The following PHACTR1 variants were observed in gnomAD, a reference collection of about 807,000 sequenced individuals.
The protein encoded by PHACTR1 is phosphatase and actin regulator 1.
PHACTR1 carries 16 observed loss-of-function variants against 69.2 expected under a neutral mutation model. The ratio of observed to expected loss-of-function variants is 0.23; its 90% CI spans 0.16 to 0.35. The LOEUF is 0.35. Ranked by LOEUF, PHACTR1 falls within the 10% of genes least tolerant of loss-of-function variation. The pLI is 1.00. For missense variants in PHACTR1, 510 were observed against 734.7 expected (o/e 0.69, Z 3.54); for synonymous variants, 312 against 284.5 (o/e 1.10, Z -0.97).
intron 4 of PHACTR1, among the ~76,000 whole-genome samples, chr6:13,019,907 A>G (rs1256073085): frequency 6.6e-6 from 1 of 152,158 alleles, no homozygotes; most frequent in African/African-American, 2.4e-5. Flanking sequence ...GCCTTCTAGA[A>G]GTGTCTAAAA....
intron 12 of PHACTR1, chr6:13,281,216 G>T: frequency 9.2e-7 from 1 of 1,088,602 alleles, no homozygotes; most frequent in Non-Finnish European, 1.2e-6. Flanking sequence ...AAATTTGAAA[G>T]TCAGGGCTTA....
In PHACTR1 at chr6:12,922,546, G is replaced by A. The variant is rs114393407; in HGVS notation, c.251-130819G>A. ...TGAATATGCATGGAACAGCTAGATCGTGTTTAGAAGTCACATCCATAAACA... is the reference window on the plus strand; with the variant it reads ...TGAATATGCATGGAACAGCTAGATCATGTTTAGAAGTCACATCCATAAACA... On this transcript the variant is annotated intron_variant, in intron 4 of 14. Transcript: ENST00000332995. Among the ~76,000 whole-genome samples the A allele has an allele frequency of 7.0e-3, 1,071 of 152,288 alleles. 14 individuals carry two copies. The highest frequency in any genetic ancestry group is 0.017 in the Middle Eastern group (5 of 294).
intron 3 of PHACTR1, chr6:12,749,368 C>T (rs1362564340): frequency 2.3e-5 from 12 of 516,580 alleles, no homozygotes; most frequent in Non-Finnish European, 3.8e-5. Context: ...TCTGGGGGAG[C>T]CCCGGGCGCC....
Position 13,097,680 on chromosome 6 carries a change from CT to C in PHACTR1, c.415+44152del, listed in dbSNP as rs572213062. Among the ~76,000 whole-genome samples, 12 of 152,306 alleles carry C rather than the reference CT, an allele frequency of 7.9e-5. No individual in the cohort carries two copies. The South Asian group carries it at 2.5e-3, about 32-fold the overall frequency. On this transcript the variant is annotated intron_variant, in intron 5 of 14. Transcript: ENST00000332995. The stretch of plus-strand genomic sequence containing the variant: ...ATTGCCCTACTGCAAACTTGGCAGC[CT>C]CAGTGGGGCCTCCATACCACTTTAG...
chr6:13,203,916 G>T (rs1430514160), intron 7 of PHACTR1, among the ~76,000 whole-genome samples: 1 of 152,184 alleles, frequency 6.6e-6, no homozygotes, highest in Non-Finnish European at 1.5e-5. Context: ...CCTGGAGGAG[G>T]CTGGGGAAGA....
At chr6:12,903,320 C>A (rs1161354503) in intron 4 of PHACTR1, among the ~76,000 whole-genome samples, 1 of 152,160 alleles carries the variant, frequency 6.6e-6, no homozygotes, top group African/African-American at 2.4e-5. Flanking sequence ...GACATGTCTT[C>A]AAGTAGGAGC....
chr6:13,134,784 T>C lies in PHACTR1; in HGVS notation c.416-25420T>C, dbSNP rs1237741773. ...CTCTCCGAGAAACACCCAAGAATGA[T>C]CAATAAATACTAAAAAAAAAAAAAA... On this transcript the variant is annotated intron_variant, in intron 5 of 14. Transcript: ENST00000332995. Among the ~76,000 whole-genome samples, 7 of 83,298 alleles carry C rather than the reference T, an allele frequency of 8.4e-5. No individual in the cohort carries two copies. In the East Asian group the frequency reaches 1.2e-3, roughly 15 times the overall value. 54.6% of individuals were successfully genotyped at this position (83,298 alleles called of 152,430 possible). A position where few individuals can be genotyped will look rare whatever the true frequency, so the allele number is the denominator to read the frequency against.
chr6:13,079,661 T>G (rs1811072162), intron 5 of PHACTR1, among the ~76,000 whole-genome samples: 1 of 152,164 alleles, frequency 6.6e-6, no homozygotes, highest in African/African-American at 2.4e-5. Context: ...GCCCAGTACC[T>G]GCTTGCAATC....
chr6:13,174,213 A>G (rs1583720747), intron 6 of PHACTR1, among the ~76,000 whole-genome samples: 1 of 152,352 alleles, frequency 6.6e-6, no homozygotes, highest in South Asian at 2.1e-4. Context: ...AAATGGGAAC[A>G]CAGAACATGC....
chr6:13,001,917 T>C (rs1358617083), intron 4 of PHACTR1, among the ~76,000 whole-genome samples: 1 of 152,212 alleles, frequency 6.6e-6, no homozygotes, highest in Non-Finnish European at 1.5e-5. Context: ...GCAATATGGA[T>C]AGTAGTATCA....
intron 5 of PHACTR1, among the ~76,000 whole-genome samples, chr6:13,125,350 C>T (rs569348583): frequency 1.3e-5 from 2 of 151,228 alleles, no homozygotes; most frequent in African/African-American, 2.4e-5. Context: ...CAATGGTAGT[C>T]TTTCTATTGC....
intron 4 of PHACTR1, among the ~76,000 whole-genome samples, chr6:13,005,358 C>T (rs1023427653): frequency 7.9e-5 from 12 of 152,078 alleles, no homozygotes; most frequent in African/African-American, 2.9e-4. Flanking sequence ...ATACAACATA[C>T]ATACAACATT....
chr6:13,078,595 C>A (rs568086443), intron 5 of PHACTR1, among the ~76,000 whole-genome samples: 1 of 152,242 alleles, frequency 6.6e-6, no homozygotes, highest in East Asian at 1.9e-4. Context: ...GGTTTGCGAG[C>A]AGTTCATTAT....
chr6:13,038,377 AAT>A (rs1461537471), intron 4 of PHACTR1, among the ~76,000 whole-genome samples: 2 of 152,046 alleles, frequency 1.3e-5, no homozygotes, highest in Non-Finnish European at 2.9e-5. Context: ...AACCATGGGA[AAT>A]TCCATAATTT....
intron 4 of PHACTR1, among the ~76,000 whole-genome samples, chr6:13,026,987 G>A (rs888949305): frequency 1.3e-5 from 2 of 152,186 alleles, no homozygotes; most frequent in Non-Finnish European, 2.9e-5. Context: ...TTGGGCTGAG[G>A]TTTCTAGGAA....
intron 4 of PHACTR1, among the ~76,000 whole-genome samples, chr6:12,959,192 A>AAAG (rs1792337865): frequency 9.4e-6 from 1 of 106,630 alleles, no homozygotes; most frequent in Non-Finnish European, 1.8e-5. Flanking sequence ...AAAAAAAAAA[A>AAAG]AAAGAAAAGA....
chr6:13,262,302 G>T (rs547879075), intron 10 of PHACTR1, among the ~76,000 whole-genome samples: 1 of 152,324 alleles, frequency 6.6e-6, no homozygotes, highest in Admixed American at 6.5e-5. Context: ...ACTTGGAGAG[G>T]AAGATGTATG....
intron 6 of PHACTR1, among the ~76,000 whole-genome samples, chr6:13,174,468 T>C (rs557129732): frequency 6.6e-6 from 1 of 152,374 alleles, no homozygotes; most frequent in African/African-American, 2.4e-5. Context: ...TTAATTCTTC[T>C]TATGATTTTT....
At position 13,067,939 on chromosome 6, in the gene PHACTR1, C is replaced by T. The variant is rs185779347; in HGVS notation, c.415+14410C>T. On this transcript the variant is annotated intron_variant, in intron 5 of 14. Coordinates refer to ENST00000332995, the MANE Select transcript of PHACTR1 (RefSeq NM_030948.6). Reference sequence around the variant, plus strand: ...TAGACTAGTGGTTAGGGGTCAAACTCTGGAGCCTGACTGCTGAGTTATCTT... The same window carrying T: ...TAGACTAGTGGTTAGGGGTCAAACTTTGGAGCCTGACTGCTGAGTTATCTT... Among the ~76,000 whole-genome samples the T allele has an allele frequency of 2.2e-3, 332 of 152,262 alleles. 1 individual carries two copies. The highest frequency in any genetic ancestry group is 2.4e-3 in the Non-Finnish European group (160 of 68,016).
Sources: allele counts gnomAD v4.1 joint callset (sites outside exome capture counted in the v4.1 genomes callset), GRCh38; gene constraint gnomAD v4.1.1; transcripts MANE v1.5; gene names NCBI Gene and HGNC (gene_info 2026-07-23, HGNC 2026-07-21).